BABAM2: variants seen among roughly 807,000 people sequenced by gnomAD.
The protein encoded by BABAM2 is BRISC and BRCA1 A complex member 2, also known as BRISC and BRCA1-A complex member 2.
BABAM2 carries 31 observed loss-of-function variants against 54.7 expected under a neutral mutation model. The ratio of observed to expected loss-of-function variants is 0.57; its 90% CI spans 0.43 to 0.77. The LOEUF (loss-of-function observed/expected upper bound fraction) is 0.77, where lower values mean the gene tolerates loss of function less well. BABAM2 is among the 30% of genes least tolerant of loss of function. BABAM2 has a pLI of 0.00. For synonymous variants in BABAM2, 167 were observed against 162.9 expected (o/e 1.03, Z -0.19); for missense variants, 364 against 455.8 (o/e 0.80, Z 1.83).
At chr2:28,005,002 A>G (rs879696068) in intron 4 of BABAM2, among the ~76,000 whole-genome samples, 7 of 152,232 alleles carry the variant, frequency 4.6e-5, no homozygotes, top group Admixed American at 3.3e-4. Context: ...AATTTAATGT[A>G]CTAGTTAACC....
intron 3 of BABAM2, among the ~76,000 whole-genome samples, chr2:27,940,172 T>C (rs1038434396): frequency 6.6e-6 from 1 of 152,220 alleles, no homozygotes; most frequent in Non-Finnish European, 1.5e-5. Flanking sequence ...TTAAATGAAA[T>C]ACACGTTAAG....
intron 7 of BABAM2, among the ~76,000 whole-genome samples, chr2:28,203,163 G>A (rs944807837): frequency 6.6e-6 from 1 of 152,148 alleles, no homozygotes; most frequent in African/African-American, 2.4e-5. Context: ...AGTCCTCTCC[G>A]AATATGTTCG....
intron 3 of BABAM2, among the ~76,000 whole-genome samples, chr2:27,979,117 C>G (rs1050768883): frequency 6.6e-6 from 1 of 151,698 alleles, no homozygotes; most frequent in Non-Finnish European, 1.5e-5. Flanking sequence ...AACCTCCACC[C>G]CCTGGATTCA....
chr2:28,245,303 A>C (rs541100769), intron 10 of BABAM2, among the ~76,000 whole-genome samples: 1 of 152,300 alleles, frequency 6.6e-6, no homozygotes, highest in East Asian at 1.9e-4. Context: ...TCAGGCCTCA[A>C]GACTTTTGGT....
intron 3 of BABAM2, among the ~76,000 whole-genome samples, chr2:27,947,384 A>C (rs1669376421): frequency 6.6e-6 from 1 of 152,164 alleles, no homozygotes; most frequent in South Asian, 2.1e-4. Context: ...ACCATTAAAA[A>C]TACTATAATA....
chr2:28,043,031 T>TA (rs930797734), intron 5 of BABAM2, among the ~76,000 whole-genome samples: 3 of 146,272 alleles, frequency 2.1e-5, no homozygotes, highest in Non-Finnish European at 4.5e-5. Flanking sequence ...CTCAAAAAAA[T>TA]AAAAAAAATG....
intron 11 of BABAM2, among the ~76,000 whole-genome samples, chr2:28,300,300 T>A (rs1273770064): frequency 6.6e-6 from 1 of 152,234 alleles, no homozygotes; most frequent in Non-Finnish European, 1.5e-5. Context: ...CAGATTTATA[T>A]GCAGAATCCA....
chr2:28,153,587 T>G (rs944709905), intron 7 of BABAM2, among the ~76,000 whole-genome samples: 3 of 152,146 alleles, frequency 2.0e-5, no homozygotes, highest in African/African-American at 7.2e-5. Flanking sequence ...GAATCAGAAT[T>G]TTGCTATTTT....
chr2:28,105,929 C>T (rs947827688), intron 6 of BABAM2, among the ~76,000 whole-genome samples: 15 of 150,748 alleles, frequency 1.0e-4, no homozygotes, highest in Non-Finnish European at 1.9e-4. Flanking sequence ...ATTTAAAATT[C>T]CAGCTCCTGT....
chr2:27,943,039 C>T (rs1473291230), intron 3 of BABAM2, among the ~76,000 whole-genome samples: 2 of 152,104 alleles, frequency 1.3e-5, no homozygotes, highest in Non-Finnish European at 2.9e-5. Context: ...TATCCTTCCA[C>T]TGTGGCCTCC....
intron 7 of BABAM2, among the ~76,000 whole-genome samples, chr2:28,135,961 G>C (rs1670498479): frequency 6.6e-6 from 1 of 152,134 alleles, no homozygotes; most frequent in Non-Finnish European, 1.5e-5. Context: ...TCCTTGCTGA[G>C]AAGCTTCAAT....
At position 28,288,223 on chromosome 2, in the gene BABAM2, G is replaced by A. The variant is rs537866797; in HGVS notation, c.935-10115G>A. On this transcript the variant is annotated intron_variant, in intron 10 of 11. Transcript: ENST00000379624. ...GGCCTGTGAGCTTCCTGACACCAGC[G>A]TCTGCTTCCTTCATCTTTGTGTCAC... Among the ~76,000 whole-genome samples, 8 of 152,182 alleles carry A rather than the reference G, an allele frequency of 5.3e-5. No individual in the cohort carries two copies. In the South Asian group the frequency reaches 8.3e-4, roughly 16 times the overall value.
At chr2:28,057,495 A>ATT (rs558961492) in intron 6 of BABAM2, among the ~76,000 whole-genome samples, 2 of 145,316 alleles carry the variant, frequency 1.4e-5, no homozygotes, top group African/African-American at 5.0e-5. Flanking sequence ...ACAGGTGACC[A>ATT]TTTTTTTTTT....
At chr2:27,889,532 A>T (rs775585505), upstream of BABAM2, among the ~76,000 whole-genome samples, 106 of 152,056 alleles carry the variant, frequency 7.0e-4, no homozygotes, top group Non-Finnish European at 3.1e-4. Flanking sequence ...ACCTTAATTT[A>T]AAAAAAAGAA....
chr2:28,285,951 A>T (rs988719785), intron 10 of BABAM2, among the ~76,000 whole-genome samples: 7 of 150,626 alleles, frequency 4.6e-5, no homozygotes, highest in Non-Finnish European at 1.0e-4. Context: ...CTAACGAATA[A>T]TAACTTTTTT....
chr2:27,933,186 T>C (rs900096940), intron 3 of BABAM2, among the ~76,000 whole-genome samples: 4 of 152,200 alleles, frequency 2.6e-5, no homozygotes, highest in Admixed American at 6.5e-5. Context: ...CATTTGTGAT[T>C]AGTGTATTAG....
rs578153683 is a variant in BABAM2 at position 28,338,643 on chromosome 2, C to T, written c.*130C>T. On this transcript the variant is annotated 3_prime_UTR_variant, in exon 12 of 12. Coordinates refer to ENST00000379624, the MANE Select transcript of BABAM2 (RefSeq NM_199191.3). Reference sequence around the variant, plus strand: ...TTTTGCTCACACAGCAGCTTTTGCACGCCCCAGGCAGCCCCGACTGCTGAA... The same window carrying T: ...TTTTGCTCACACAGCAGCTTTTGCATGCCCCAGGCAGCCCCGACTGCTGAA... 798 of 1,106,262 alleles carry T rather than the reference C, an allele frequency of 7.2e-4. 4 individuals are homozygous for T. Among genetic ancestry groups the T allele is most frequent in the Non-Finnish European group, 4.0e-4 (293 of 741,192 alleles). The allele number at this position is 1,106,262 out of a possible 1,614,324, so 68.5% of individuals were successfully genotyped here.
intron 10 of BABAM2, among the ~76,000 whole-genome samples, chr2:28,273,121 G>A (rs1685567002): frequency 6.6e-6 from 1 of 152,142 alleles, no homozygotes; most frequent in South Asian, 2.1e-4. Context: ...TCCACGGACC[G>A]AACATTTTCT....
intron 7 of BABAM2, among the ~76,000 whole-genome samples, chr2:28,131,671 T>C (rs1028158846): frequency 3.3e-5 from 5 of 152,222 alleles, no homozygotes; most frequent in African/African-American, 1.2e-4. Context: ...ACTCAGCAAG[T>C]AATAGCCATG....
Sources: gnomAD v4.1 joint callset for allele counts (sites outside exome capture counted in the v4.1 genomes callset) on GRCh38, gnomAD v4.1.1 for gene constraint, MANE v1.5 for transcripts, NCBI Gene and HGNC (gene_info 2026-07-23, HGNC 2026-07-21) for gene names.